EYS: variants seen among roughly 807,000 people sequenced by gnomAD.
EYS encodes the protein EGF-like photoreceptor maintenance factor.
A neutral mutation model predicts 282.1 loss-of-function variants in EYS; 250 were observed. That is an observed-to-expected ratio of 0.89 (90% CI 0.80 to 0.98). The LOEUF (loss-of-function observed/expected upper bound fraction) is 0.98. Ranked by LOEUF, EYS falls within the 50% of genes least tolerant of loss-of-function variation. EYS has a pLI of 0.00. For synonymous variants in EYS, 1,355 were observed against 1,282.9 expected (o/e 1.06, Z -1.20); for missense variants, 4,016 against 3,709.0 (o/e 1.08, Z -2.15).
At chr6:65,389,696 T>C (rs1765938704) in intron 7 of EYS, among the ~76,000 whole-genome samples, 1 of 152,058 alleles carries the variant, frequency 6.6e-6, no homozygotes, top group African/African-American at 2.4e-5. Context: ...CAAAGAGTAA[T>C]GTAAATGAAT....
At chr6:65,016,193 G>A (rs1044077749) in intron 13 of EYS, among the ~76,000 whole-genome samples, 8 of 150,444 alleles carry the variant, frequency 5.3e-5, no homozygotes, top group East Asian at 1.9e-4. Flanking sequence ...GTGAAACCTC[G>A]TTTCTACTAA....
chr6:64,061,009 C>A (rs931366488), intron 33 of EYS, among the ~76,000 whole-genome samples: 1 of 152,074 alleles, frequency 6.6e-6, no homozygotes, highest in Non-Finnish European at 1.5e-5. Context: ...CTTTGGCTAC[C>A]CTAAGAGTTT....
At chr6:65,500,576 A>C (rs1054621473) in intron 2 of EYS, among the ~76,000 whole-genome samples, 15 of 151,996 alleles carry the variant, frequency 9.9e-5, no homozygotes, top group Non-Finnish European at 2.2e-4. Flanking sequence ...AAGAGTAATT[A>C]AGTAAACAAG....
intron 40 of EYS, among the ~76,000 whole-genome samples, chr6:63,773,715 T>C (rs1233383393): frequency 1.3e-5 from 2 of 152,138 alleles, no homozygotes; most frequent in Non-Finnish European, 2.9e-5. Flanking sequence ...TGGAAAACAA[T>C]TACATGTCCA....
intron 5 of EYS, among the ~76,000 whole-genome samples, chr6:65,442,889 T>C (rs1313469547): frequency 1.3e-5 from 2 of 151,570 alleles, no homozygotes; most frequent in East Asian, 1.9e-4. Context: ...CATACATATG[T>C]ACATATATGT....
chr6:63,937,345 CTTTTTTTTTTTTTTTTTT>C lies in EYS; in HGVS notation c.7055+47020_7055+47037del, dbSNP rs778809745. ...CAAATTTTCTAGGCTTCTCTCTTTT[CTTTTTTTTTTTTTTTTTT>C]TTTTTTTTTTTTTTTTTTTTTTTTT... On this transcript the variant is annotated intron_variant, in intron 35 of 42. Coordinates refer to ENST00000503581, the MANE Select transcript of EYS (RefSeq NM_001142800.2). 1.4e-3 allele frequency among the ~76,000 whole-genome samples: 77 copies of C among 54,450 alleles called. 1 individual carries two copies. Among genetic ancestry groups the C allele is most frequent in the African/African-American group, 3.2e-3 (42 of 13,208 alleles). 35.7% of individuals were successfully genotyped at this position (54,450 alleles called of 152,430 possible).
At chr6:64,658,287 C>A (rs900345515) in intron 22 of EYS, among the ~76,000 whole-genome samples, 2 of 145,006 alleles carry the variant, frequency 1.4e-5, no homozygotes, top group African/African-American at 5.2e-5. Context: ...AACTTCTTTG[C>A]CATGGGTTCG....
chr6:65,090,645 C>T (rs575879186), intron 12 of EYS, among the ~76,000 whole-genome samples: 3 of 152,050 alleles, frequency 2.0e-5, no homozygotes, highest in Admixed American at 6.6e-5. Flanking sequence ...GTCATGGGAG[C>T]GGCTGATGCA....
intron 29 of EYS, among the ~76,000 whole-genome samples, chr6:64,343,929 T>C (rs1315347411): frequency 6.6e-6 from 1 of 151,988 alleles, no homozygotes; most frequent in African/African-American, 2.4e-5. Flanking sequence ...TATAAACACC[T>C]CTACTCAAAT....
At chr6:63,835,599 C>T (rs567645182) in intron 36 of EYS, among the ~76,000 whole-genome samples, 7 of 151,830 alleles carry the variant, frequency 4.6e-5, no homozygotes, top group East Asian at 3.9e-4. Flanking sequence ...GGGAGGGAGG[C>T]GAGAGATTTG....
chr6:65,393,246 G>A (rs1056194407), intron 7 of EYS, among the ~76,000 whole-genome samples: 5 of 151,998 alleles, frequency 3.3e-5, no homozygotes, highest in African/African-American at 7.2e-5. Flanking sequence ...TGGGTGCAGC[G>A]CACCAGCATG....
chr6:65,148,702 G>C (rs1428252276), intron 12 of EYS, among the ~76,000 whole-genome samples: 1 of 152,070 alleles, frequency 6.6e-6, no homozygotes, highest in East Asian at 1.9e-4. Flanking sequence ...TTTCCCTTCT[G>C]CACTGTTCTA....
chr6:64,193,471 C>T (rs115496049), intron 31 of EYS, among the ~76,000 whole-genome samples: 5,577 of 151,800 alleles, frequency 0.037, 137 homozygotes, highest in Non-Finnish European at 0.059. Context: ...CCACCATGCC[C>T]GGCTAATCTT....
chr6:64,726,346 C>G (rs1453902788), intron 22 of EYS, among the ~76,000 whole-genome samples: 1 of 152,108 alleles, frequency 6.6e-6, no homozygotes, highest in Admixed American at 6.5e-5. Flanking sequence ...ATACTTGAAT[C>G]TCAATATTTC....
In EYS at chr6:64,003,107, C is replaced by A. The variant is rs562256709; in HGVS notation, c.6726-3924G>T. On this transcript the variant is annotated intron_variant, in intron 33 of 42. Transcript: ENST00000503581. ...ATAAAGAAAATGTGGTAGATATACACAATGGAGTACTGTTCAGCCATAAAA... is the reference window on the plus strand; with the variant it reads ...ATAAAGAAAATGTGGTAGATATACAAAATGGAGTACTGTTCAGCCATAAAA... Among the ~76,000 whole-genome samples the A allele has an allele frequency of 1.6e-3, 242 of 152,210 alleles. 1 individual carries two copies. The highest frequency in any genetic ancestry group is 3.1e-3 in the Non-Finnish European group (211 of 68,010).
At chr6:64,162,378 G>T (rs1775134350) in intron 31 of EYS, among the ~76,000 whole-genome samples, 2 of 152,110 alleles carry the variant, frequency 1.3e-5, no homozygotes, top group Admixed American at 6.6e-5. Context: ...CTCAGCCAGG[G>T]AGGAATGACT....
chr6:63,892,016 T>G (rs1773421214), intron 35 of EYS, among the ~76,000 whole-genome samples: 1 of 152,140 alleles, frequency 6.6e-6, no homozygotes, highest in Non-Finnish European at 1.5e-5. Flanking sequence ...TCAATACAAC[T>G]TACAAGGGAT....
Position 64,716,418 on chromosome 6 carries a change from C to T in EYS, c.3444-90173G>A, listed in dbSNP as rs141999360. On this transcript the variant is annotated intron_variant, in intron 22 of 42. Coordinates refer to ENST00000503581, the MANE Select transcript of EYS (RefSeq NM_001142800.2). ...GAAAAATATGTTGCATAAAAACAAG[C>T]ATTGTTGCCTTGTTATCAACATTGG... Among the ~76,000 whole-genome samples the T allele has an allele frequency of 1.7e-3, 258 of 152,278 alleles. No individual in the cohort carries two copies. In the Middle Eastern group the frequency reaches 0.017, roughly 10 times the overall value.
intron 26 of EYS, among the ~76,000 whole-genome samples, chr6:64,575,364 A>G (rs1036385281): frequency 2.6e-5 from 4 of 152,116 alleles, no homozygotes; most frequent in African/African-American, 9.7e-5. Flanking sequence ...CTACACTTGA[A>G]GTTTCTTAGA....
Sources: allele counts gnomAD v4.1 joint callset (sites outside exome capture counted in the v4.1 genomes callset), GRCh38; gene constraint gnomAD v4.1.1; transcripts MANE v1.5; gene names NCBI Gene and HGNC (gene_info 2026-07-23, HGNC 2026-07-21).